The following WDR41 variants were observed in gnomAD, a reference collection of about 807,000 sequenced individuals.
The protein encoded by WDR41 is WD repeat domain 41, also known as WD repeat-containing protein 41.
A neutral mutation model predicts 69.3 loss-of-function variants in WDR41; 63 were observed. The ratio of observed to expected loss-of-function variants is 0.91; its 90% confidence interval spans 0.74 to 1.12. The LOEUF is 1.12. WDR41 is among the 50% of genes most tolerant of loss of function. The pLI is 0.00. For synonymous variants in WDR41, 185 were observed against 192.1 expected, an observed-to-expected ratio of 0.96 and a Z score of 0.31; for missense variants, 543 against 534.5, an observed-to-expected ratio of 1.02 and a Z score of -0.16.
At chr5:77,577,580 A>G (rs974051817) in intron 1 of WDR41, among the ~76,000 whole-genome samples, 10 of 152,206 alleles carry the variant, frequency 6.6e-5, no homozygotes, top group Non-Finnish European at 2.9e-5. Flanking sequence ...AATATTAAAT[A>G]AAAGTGGCCA....
chr5:77,496,746 A>T (rs899497898), upstream of WDR41, among the ~76,000 whole-genome samples: 6 of 152,146 alleles, frequency 3.9e-5, no homozygotes, highest in Admixed American at 1.3e-4. Flanking sequence ...TTGTTCCTAA[A>T]AATGGAAAAA....
At chr5:77,616,346 C>T (rs1744680941) in intron 1 of WDR41, among the ~76,000 whole-genome samples, 1 of 152,144 alleles carries the variant, frequency 6.6e-6, no homozygotes, top group South Asian at 2.1e-4. Flanking sequence ...ACATGGAAAG[C>T]CTGCAGATTT....
At position 77,611,057 on chromosome 5, in the gene WDR41, C is replaced by G. The variant is rs954211033; in HGVS notation, c.42+9422G>C. Reference sequence around the variant, plus strand: ...ACCAACAAAGATCAAAAGAGACAAACAAGGCCATTATATAATGGTAAAGAG... The same window carrying G: ...ACCAACAAAGATCAAAAGAGACAAAGAAGGCCATTATATAATGGTAAAGAG... On this transcript the variant is annotated intron_variant, in intron 1 of 5. Transcript: ENST00000509971. Among the ~76,000 whole-genome samples the G allele has an allele frequency of 1.4e-3, 218 of 152,090 alleles. 1 individual carries two copies. The highest frequency in any genetic ancestry group is 4.9e-3 in the African/African-American group (202 of 41,532).
At chr5:77,581,144 A>C (rs1222365463) in intron 1 of WDR41, among the ~76,000 whole-genome samples, 2 of 152,060 alleles carry the variant, frequency 1.3e-5, no homozygotes, top group Non-Finnish European at 2.9e-5. Flanking sequence ...AAATAGATTG[A>C]AAGTAAAAAG....
chr5:77,618,886 G>T (rs956964695), intron 1 of WDR41, among the ~76,000 whole-genome samples: 1 of 152,174 alleles, frequency 6.6e-6, no homozygotes, highest in Non-Finnish European at 1.5e-5. Flanking sequence ...CGTTTTAGAA[G>T]AAATGGGATC....
rs1799146227 is a variant in WDR41, at chr5:77,441,120, G to A, written c.698-123C>T. ...GTAATTAGAACAGTGAGGTACCTAG[G>A]CAAGCCAACAGAAAGATTAATGTAA... is the stretch of plus-strand genomic sequence containing the variant. On this transcript the variant is annotated intron_variant, in intron 8 of 12. Transcript: ENST00000296679. 14 of 958,480 alleles carry A rather than the reference G, an allele frequency of 1.5e-5. No individual in the cohort carries two copies. In the East Asian group the frequency reaches 3.8e-4, roughly 26 times the overall value. 59.4% of individuals were successfully genotyped at this position (958,480 alleles called of 1,614,324 possible). A position where few individuals can be genotyped will look rare whatever the true frequency, so the allele number is the denominator to read the frequency against.
chr5:77,484,666 C>T (rs1269128286), intron 2 of WDR41, among the ~76,000 whole-genome samples: 1 of 152,052 alleles, frequency 6.6e-6, no homozygotes, highest in African/African-American at 2.4e-5. Context: ...GGCATACTTA[C>T]AGTTTCTTAA....
chr5:77,587,353 G>C (rs1412943832), intron 1 of WDR41, among the ~76,000 whole-genome samples: 1 of 152,022 alleles, frequency 6.6e-6, no homozygotes, highest in Non-Finnish European at 1.5e-5. Context: ...ATTTCTGCTG[G>C]ACATATATCT....
chr5:77,594,873 T>G (rs1482765318), intron 1 of WDR41, among the ~76,000 whole-genome samples: 2 of 152,224 alleles, frequency 1.3e-5, no homozygotes, highest in Non-Finnish European at 2.9e-5. Flanking sequence ...ATACACTTTA[T>G]AAATGCATTT....
chr5:77,458,609 C>T (rs1388967708), intron 5 of WDR41, among the ~76,000 whole-genome samples: 1 of 152,088 alleles, frequency 6.6e-6, no homozygotes, highest in African/African-American at 2.4e-5. Flanking sequence ...ATAAACCTAA[C>T]AGTAACAGCA....
intron 1 of WDR41, among the ~76,000 whole-genome samples, chr5:77,537,845 T>C (rs745337876): frequency 2.6e-5 from 4 of 152,192 alleles, no homozygotes; most frequent in Admixed American, 6.5e-5. Flanking sequence ...AGGTATTATA[T>C]AGATGAATAA....
chr5:77,498,887 A>T (rs75451577), intron 1 of WDR41, among the ~76,000 whole-genome samples: 6 of 152,092 alleles, frequency 3.9e-5, no homozygotes, highest in Non-Finnish European at 8.8e-5. Context: ...ATTTTATCTC[A>T]AAAGTACAAT....
chr5:77,558,103 A>G (rs557297821), intron 1 of WDR41, among the ~76,000 whole-genome samples: 2 of 149,840 alleles, frequency 1.3e-5, no homozygotes, highest in African/African-American at 4.9e-5. Context: ...TTAAAAAAAA[A>G]AAAAAAAAAA....
rs7731538 is a variant in WDR41, at chr5:77,453,690, T to C, written c.523+127A>G. On this transcript the variant is annotated intron_variant, in intron 6 of 12. Coordinates refer to ENST00000296679, the MANE Select transcript of WDR41 (RefSeq NM_018268.4). The stretch of plus-strand genomic sequence containing the variant: ...GATCTGAATTGAATATGGCTACCTG[T>C]TATCTTCAGAACTGAAAAAGAAAAA... 6.4e-3 allele frequency: 4,339 copies of C among 682,348 alleles called. 131 individuals carry two copies. The African/African-American group carries it at 0.07, about 11-fold the overall frequency. The allele number at this position is 682,348 out of a possible 1,614,324, so 42.3% of individuals were successfully genotyped here. A position where few individuals can be genotyped will look rare whatever the true frequency, so the allele number is the denominator to read the frequency against.
At chr5:77,489,993 C>T (rs1473460616) in intron 1 of WDR41, among the ~76,000 whole-genome samples, 1 of 152,128 alleles carries the variant, frequency 6.6e-6, no homozygotes, top group Non-Finnish European at 1.5e-5. Flanking sequence ...TGAAACAGTG[C>T]CTCATCCATT....
chr5:77,534,526 C>T (rs540228643), intron 1 of WDR41, among the ~76,000 whole-genome samples: 7 of 151,378 alleles, frequency 4.6e-5, no homozygotes, highest in East Asian at 2.0e-4. Flanking sequence ...CTCCAACTCC[C>T]GGATTCAAGT....
rs959301679 is a variant in WDR41, at chr5:77,433,030, C to CA, written c.*104dup. 24 of 1,310,570 alleles carry CA rather than the reference C, an allele frequency of 1.8e-5. No homozygotes were observed. Among genetic ancestry groups the CA allele is most frequent in the South Asian group, 3.6e-5 (2 of 55,126 alleles). The allele number at this position is 1,310,570 out of a possible 1,614,324, so 81.2% of individuals were successfully genotyped here. A position where few individuals can be genotyped will look rare whatever the true frequency, so the allele number is the denominator to read the frequency against. On this transcript the variant is annotated 3_prime_UTR_variant, in exon 13 of 13. Transcript: ENST00000296679. ...AAACATGTAGAATTTTATGGACTGACAAAAAAAATTACCAATTTAAGTGAT... is the reference window on the plus strand; with the variant it reads ...AAACATGTAGAATTTTATGGACTGACAAAAAAAAATTACCAATTTAAGTGAT...
chr5:77,540,241 A>G (rs1743063327), intron 1 of WDR41, among the ~76,000 whole-genome samples: 1 of 152,210 alleles, frequency 6.6e-6, no homozygotes, highest in African/African-American at 2.4e-5. Context: ...TTCTGCAAAC[A>G]TATCACAGCA....
intron 2 of WDR41, among the ~76,000 whole-genome samples, chr5:77,471,847 G>A (rs1042232965): frequency 6.6e-6 from 1 of 152,116 alleles, no homozygotes; most frequent in South Asian, 2.1e-4. Context: ...TCTACCAGAG[G>A]TACAAGGAGA....
Sources: gnomAD v4.1 joint callset for allele counts (sites outside exome capture counted in the v4.1 genomes callset) on GRCh38, gnomAD v4.1.1 for gene constraint, MANE v1.5 for transcripts, NCBI Gene and HGNC (gene_info 2026-07-23, HGNC 2026-07-21) for gene names.